Variants in SNTG1 observed in about 807,000 individuals in gnomAD.
The protein encoded by SNTG1 is syntrophin gamma 1.
A neutral mutation model predicts 74.7 loss-of-function variants in SNTG1; 39 were observed. That is an observed-to-expected ratio of 0.52 (90% CI 0.40 to 0.68). The LOEUF is 0.68. Ranked by LOEUF, SNTG1 falls within the 30% of genes least tolerant of loss-of-function variation. The pLI is 0.00. For missense variants in SNTG1, 685 were observed against 609.5 expected, an observed-to-expected ratio of 1.12 and a Z score of -1.30; for synonymous variants, 254 against 217.1, an observed-to-expected ratio of 1.17 and a Z score of -1.49.
intron 2 of SNTG1, among the ~76,000 whole-genome samples, chr8:50,206,409 C>T (rs1276308878): frequency 1.3e-5 from 2 of 152,126 alleles, no homozygotes; most frequent in African/African-American, 4.8e-5. Flanking sequence ...GATTTTTGAA[C>T]ATTGATTTTG....
At chr8:50,006,821 C>T (rs1016495214) in intron 1 of SNTG1, among the ~76,000 whole-genome samples, 5 of 152,156 alleles carry the variant, frequency 3.3e-5, no homozygotes, top group Non-Finnish European at 5.9e-5. Context: ...CAGCCTCGTG[C>T]TTGTCAAGCT....
At chr8:50,305,727 T>G (rs1022279402) in intron 2 of SNTG1, among the ~76,000 whole-genome samples, 1 of 152,044 alleles carries the variant, frequency 6.6e-6, no homozygotes, top group Non-Finnish European at 1.5e-5. Context: ...GTAAAACATA[T>G]AAACCAAAAA....
chr8:50,618,037 C>T (rs1322294289), intron 13 of SNTG1, among the ~76,000 whole-genome samples: 2 of 152,170 alleles, frequency 1.3e-5, no homozygotes, highest in South Asian at 2.1e-4. Context: ...AGCAACTTCT[C>T]AATTATGAAT....
At chr8:49,926,221 T>C (rs1051350844) in intron 1 of SNTG1, among the ~76,000 whole-genome samples, 1 of 152,146 alleles carries the variant, frequency 6.6e-6, no homozygotes, top group Non-Finnish European at 1.5e-5. Context: ...TTCTAGGTAA[T>C]GTCATATTTA....
intron 1 of SNTG1, among the ~76,000 whole-genome samples, chr8:49,972,628 G>T (rs1446499817): frequency 6.6e-6 from 1 of 151,062 alleles, no homozygotes; most frequent in South Asian, 2.1e-4. Flanking sequence ...CTGACAAAGG[G>T]CTAATATCCA....
intron 17 of SNTG1, among the ~76,000 whole-genome samples, chr8:50,728,256 G>A (rs766671560): frequency 6.6e-6 from 1 of 152,102 alleles, no homozygotes; most frequent in Non-Finnish European, 1.5e-5. Context: ...ATACGAAGAG[G>A]CCATTGAACT....
rs565451577 is a variant in SNTG1 at position 50,461,052 on chromosome 8, A to G, written c.363+10323A>G. 5.9e-5 allele frequency among the ~76,000 whole-genome samples: 9 copies of G among 151,692 alleles called. No homozygotes were observed. In the South Asian group the frequency reaches 1.5e-3, roughly 25 times the overall value. On this transcript the variant is annotated intron_variant, in intron 8 of 18. Coordinates refer to ENST00000642720, the MANE Select transcript of SNTG1 (RefSeq NM_018967.5). ...AGAATACACATTGCATTTAGTAGTCATGTCTCTTCAGGGTCCTTGCTTTTA... is the reference window on the plus strand; with the variant it reads ...AGAATACACATTGCATTTAGTAGTCGTGTCTCTTCAGGGTCCTTGCTTTTA...
chr8:50,691,632 G>T (rs916511058), intron 15 of SNTG1, among the ~76,000 whole-genome samples: 6 of 152,120 alleles, frequency 3.9e-5, no homozygotes, highest in African/African-American at 1.4e-4. Flanking sequence ...TTAGTCTGAT[G>T]GGCTTCCCTT....
intron 15 of SNTG1, among the ~76,000 whole-genome samples, chr8:50,688,041 G>A (rs570874893): frequency 1.0e-3 from 157 of 152,196 alleles, no homozygotes; most frequent in Non-Finnish European, 1.9e-3. Context: ...TTTTTTGGCT[G>A]CATAAATGTC....
chr8:50,101,247 T>C (rs1026251199), intron 1 of SNTG1, among the ~76,000 whole-genome samples: 3 of 152,124 alleles, frequency 2.0e-5, no homozygotes, highest in African/African-American at 7.2e-5. Flanking sequence ...AACATACACA[T>C]GCGTCTGTTT....
intron 1 of SNTG1, among the ~76,000 whole-genome samples, chr8:50,009,337 T>C (rs1815548248): frequency 6.6e-6 from 1 of 152,220 alleles, no homozygotes; most frequent in Non-Finnish European, 1.5e-5. Flanking sequence ...GGGATTGTTA[T>C]ATAAGTACTA....
intron 16 of SNTG1, among the ~76,000 whole-genome samples, chr8:50,707,458 CT>C (rs151291431): frequency 6.6e-5 from 10 of 151,750 alleles, no homozygotes; most frequent in African/African-American, 2.4e-4. Context: ...CTTTAGTCTG[CT>C]TTTTTTAAAA....
intron 4 of SNTG1, among the ~76,000 whole-genome samples, chr8:50,412,636 T>A (rs1231265344): frequency 2.0e-5 from 3 of 152,148 alleles, no homozygotes; most frequent in Non-Finnish European, 4.4e-5. Context: ...GAGGTCTAGG[T>A]CAGGAACTGC....
chr8:50,121,304 T>A lies in SNTG1; in HGVS notation c.-102-51257T>A, dbSNP rs940633239. On this transcript the variant is annotated intron_variant, in intron 1 of 18. Coordinates refer to ENST00000642720, the MANE Select transcript of SNTG1 (RefSeq NM_018967.5). ...TTCTGAGTTTTGGTTTCCATATCTGTAAAACAAAGCACTTTTAACTAGATG... is the reference window on the plus strand; with the variant it reads ...TTCTGAGTTTTGGTTTCCATATCTGAAAAACAAAGCACTTTTAACTAGATG... 6.3e-5 allele frequency among the ~76,000 whole-genome samples: 9 copies of A among 141,924 alleles called. No individual in the cohort carries two copies. In the Admixed American group the frequency reaches 6.5e-4, roughly 10 times the overall value. 93.1% of individuals were successfully genotyped at this position (141,924 alleles called of 152,430 possible). A position where few individuals can be genotyped will look rare whatever the true frequency, so the allele number is the denominator to read the frequency against.
intron 2 of SNTG1, among the ~76,000 whole-genome samples, chr8:50,275,313 C>T (rs1167382490): frequency 6.6e-6 from 1 of 152,098 alleles, no homozygotes; most frequent in Non-Finnish European, 1.5e-5. Flanking sequence ...AGATTACCTA[C>T]AATATGTGTA....
chr8:50,332,382 A>G (rs1157801164), intron 2 of SNTG1, among the ~76,000 whole-genome samples: 2 of 151,844 alleles, frequency 1.3e-5, no homozygotes, highest in Non-Finnish European at 2.9e-5. Context: ...GTGTACATCC[A>G]TGGCCCCCAC....
intron 2 of SNTG1, among the ~76,000 whole-genome samples, chr8:50,227,607 G>C (rs1272074166): frequency 6.6e-6 from 1 of 152,076 alleles, no homozygotes; most frequent in East Asian, 1.9e-4. Context: ...GTTGTAGAAT[G>C]ATTCTCCTCT....
chr8:50,226,874 T>C (rs1055820592), intron 2 of SNTG1, among the ~76,000 whole-genome samples: 4 of 152,184 alleles, frequency 2.6e-5, no homozygotes, highest in African/African-American at 9.7e-5. Flanking sequence ...TCAAATATTT[T>C]ACAGAGTTTG....
At chr8:50,059,921 C>A (rs139865088) in intron 1 of SNTG1, among the ~76,000 whole-genome samples, 1 of 152,042 alleles carries the variant, frequency 6.6e-6, no homozygotes, top group Non-Finnish European at 1.5e-5. Context: ...ACTACCAGCC[C>A]GTTTTTCAAA....
Sources: allele counts gnomAD v4.1 joint callset (sites outside exome capture counted in the v4.1 genomes callset), GRCh38; gene constraint gnomAD v4.1.1; transcripts MANE v1.5; gene names NCBI Gene and HGNC (gene_info 2026-07-23, HGNC 2026-07-21).